The following LRRFIP1 variants were observed in gnomAD, a reference collection of about 807,000 sequenced individuals.
LRRFIP1 encodes LRR binding FLII interacting protein 1, also known as leucine-rich repeat flightless-interacting protein 1.
LRRFIP1 carries 62 observed loss-of-function variants against 104.4 expected under a neutral mutation model. That is an observed-to-expected ratio of 0.59 (90% CI 0.48 to 0.73). LRRFIP1 has a LOEUF of 0.73. LRRFIP1 is among the 30% of genes least tolerant of loss of function. The pLI is 0.00. For missense variants in LRRFIP1, 796 were observed against 824.5 expected (o/e 0.97, Z 0.42); for synonymous variants, 300 against 299.0 (o/e 1.00, Z -0.03).
At position 237,717,860 on chromosome 2, in the gene LRRFIP1, C is replaced by A. The variant is rs886187790; in HGVS notation, c.249+51C>A. On this transcript the variant is annotated intron_variant, in intron 4 of 23. Coordinates refer to ENST00000308482, the MANE Select transcript of LRRFIP1 (RefSeq NM_001137550.2). This position sits in a 1 kb window ranked among gnomAD's most constrained non-coding sequence, Gnocchi z 4.2. Reference sequence around the variant, plus strand: ...TTACTCTTCCCTCCCCACTTGAATACAGTGTTGAGACTTAAATGGTTTATA... The same window carrying A: ...TTACTCTTCCCTCCCCACTTGAATAAAGTGTTGAGACTTAAATGGTTTATA... The A allele has an allele frequency of 3.0e-6, 4 of 1,314,880 alleles. No homozygotes were observed. Among genetic ancestry groups the A allele is most frequent in the Non-Finnish European group, 3.3e-6 (3 of 906,978 alleles). The allele number at this position is 1,314,880 out of a possible 1,614,324, so 81.5% of individuals were successfully genotyped here.
chr2:237,656,264 G>A (rs1422496056), intron 1 of LRRFIP1, among the ~76,000 whole-genome samples: 1 of 152,136 alleles, frequency 6.6e-6, no homozygotes, highest in African/African-American at 2.4e-5. Flanking sequence ...TTGTAATCTT[G>A]TCTTTATGCA....
chr2:237,637,031 G>A lies in LRRFIP1; in HGVS notation c.96+9291G>A, dbSNP rs189330696. On this transcript the variant is annotated intron_variant, in intron 1 of 23. Coordinates refer to ENST00000308482, the MANE Select transcript of LRRFIP1 (RefSeq NM_001137550.2). The stretch of plus-strand genomic sequence containing the variant: ...TCTGAGACATACACCAGGGAAGAAC[G>A]GCTAACCTCTAGTGTCTACACAGCT... Among the ~76,000 whole-genome samples the A allele has an allele frequency of 5.3e-4, 81 of 152,248 alleles. 1 individual carries two copies. The highest frequency in any genetic ancestry group is 1.6e-3 in the African/African-American group (68 of 41,516).
chr2:237,639,190 G>A (rs2083537745), intron 1 of LRRFIP1, among the ~76,000 whole-genome samples: 1 of 152,146 alleles, frequency 6.6e-6, no homozygotes, highest in African/African-American at 2.4e-5. Flanking sequence ...GACTGGTTGG[G>A]ATGTGCCCCA....
chr2:237,745,796 C>A (rs1416365492), intron 11 of LRRFIP1, among the ~76,000 whole-genome samples: 1 of 152,286 alleles, frequency 6.6e-6, no homozygotes, highest in Non-Finnish European at 1.5e-5. Flanking sequence ...AGAAAACATA[C>A]GTTTTACACC....
chr2:237,671,206 G>C (rs1367493349), intron 1 of LRRFIP1, among the ~76,000 whole-genome samples: 1 of 152,130 alleles, frequency 6.6e-6, no homozygotes, highest in East Asian at 1.9e-4. Context: ...TGTGTCCCTC[G>C]TGTGATAACC....
At chr2:237,638,424 A>C (rs990434113) in intron 1 of LRRFIP1, among the ~76,000 whole-genome samples, 3 of 152,180 alleles carry the variant, frequency 2.0e-5, no homozygotes, top group Non-Finnish European at 4.4e-5. Flanking sequence ...TCGCTCACTC[A>C]CCCGCCTGCC....
At chr2:237,773,047 G>A in intron 22 of LRRFIP1, 102 bp downstream of exon 22, 1 of 896,286 alleles carries the variant, frequency 1.1e-6, no homozygotes, top group Non-Finnish European at 1.8e-6. Flanking sequence ...GAGATTTTTA[G>A]AACCAAGAAA....
chr2:237,631,330 T>G (rs2082308447), intron 1 of LRRFIP1, among the ~76,000 whole-genome samples: 1 of 152,222 alleles, frequency 6.6e-6, no homozygotes, highest in Admixed American at 6.5e-5. Flanking sequence ...CTTTGCACTC[T>G]TCTGGGTAGA....
intron 1 of LRRFIP1, among the ~76,000 whole-genome samples, chr2:237,702,703 C>G (rs2093604156): frequency 6.6e-6 from 1 of 152,172 alleles, no homozygotes; most frequent in Admixed American, 6.6e-5. Flanking sequence ...GAAACAGCAG[C>G]CAGACCGAGC....
chr2:237,779,788 G>T lies in LRRFIP1; in HGVS notation c.*256G>T, dbSNP rs2061382965. 3.1e-6 allele frequency: 1 copy of T among 318,092 alleles called. No individual in the cohort carries two copies. The allele number at this position is 318,092 out of a possible 1,614,324, so 19.7% of individuals were successfully genotyped here. A position where few individuals can be genotyped will look rare whatever the true frequency, so the allele number is the denominator to read the frequency against. On this transcript the variant is annotated 3_prime_UTR_variant, in exon 24 of 24. Transcript: ENST00000308482. ...CCTGCAGGTACTTCATAAGCACACA[G>T]GGGCCTCGAGGGAGCTCTGTGTCTG...
intron 1 of LRRFIP1, among the ~76,000 whole-genome samples, chr2:237,693,075 G>C (rs896773987): frequency 6.6e-6 from 1 of 152,226 alleles, no homozygotes; most frequent in Non-Finnish European, 1.5e-5. Flanking sequence ...GGATTTTGCC[G>C]TTGTCCAGCT....
At chr2:237,702,147 G>A (rs566940306) in intron 1 of LRRFIP1, among the ~76,000 whole-genome samples, 105 of 152,264 alleles carry the variant, frequency 6.9e-4, no homozygotes, top group African/African-American at 2.2e-3. Flanking sequence ...GTGCTTCCTC[G>A]TGTATTTTTA....
At chr2:237,777,352 C>T (rs930634737) in intron 23 of LRRFIP1, among the ~76,000 whole-genome samples, 1 of 152,078 alleles carries the variant, frequency 6.6e-6, no homozygotes, top group African/African-American at 2.4e-5. Flanking sequence ...AATCATTTTC[C>T]TCCTCACTGA....
Position 237,649,905 on chromosome 2 carries a change from A to C in LRRFIP1, c.96+22165A>C, listed in dbSNP as rs1037649081. ...TAATATACTGCAGCCTTCGAAAGAG[A>C]TGTAGTCCTCATCTGAAAGGTCATC... On this transcript the variant is annotated intron_variant, in intron 1 of 23. Coordinates refer to ENST00000308482, the MANE Select transcript of LRRFIP1 (RefSeq NM_001137550.2). This position sits in a 1 kb window ranked among gnomAD's most constrained non-coding sequence, Gnocchi z 4.1. Among the ~76,000 whole-genome samples the C allele has an allele frequency of 5.9e-5, 9 of 151,916 alleles. No individual in the cohort carries two copies. The East Asian group carries it at 1.7e-3, about 29-fold the overall frequency.
At chr2:237,651,582 GTC>G (rs2085943625) in intron 1 of LRRFIP1, among the ~76,000 whole-genome samples, 1 of 152,016 alleles carries the variant, frequency 6.6e-6, no homozygotes, top group African/African-American at 2.4e-5. Flanking sequence ...GCACCCTACA[GTC>G]TGGCTGCTTG....
intron 1 of LRRFIP1, among the ~76,000 whole-genome samples, chr2:237,675,409 C>T (rs919363631): frequency 3.9e-5 from 6 of 152,302 alleles, no homozygotes; most frequent in South Asian, 2.1e-4. Context: ...CAGTTTCCTT[C>T]GTAACCCTAT....
At chr2:237,629,467 C>CTTTTTTT (rs745503726) in intron 1 of LRRFIP1, among the ~76,000 whole-genome samples, 3 of 117,366 alleles carry the variant, frequency 2.6e-5, no homozygotes, top group Admixed American at 9.3e-5. Flanking sequence ...TTTCTTTCTT[C>CTTTTTTT]TTTTTTTTTT....
chr2:237,727,873 CA>C lies in LRRFIP1; in HGVS notation c.385-2del. 1 of 1,609,742 alleles carries C rather than the reference CA, an allele frequency of 6.2e-7. No homozygotes were observed. On this transcript the variant is annotated splice_acceptor_variant, in intron 7 of 23. Coordinates refer to ENST00000308482, the MANE Select transcript of LRRFIP1 (RefSeq NM_001137550.2). LOFTEE classifies it high-confidence loss of function. ...AGTTTTTCTCTTTTCTTCATTGAAA[CA>C]GACAAATGGTTATGATGGAGAATTG...
intron 1 of LRRFIP1, among the ~76,000 whole-genome samples, chr2:237,697,576 A>G (rs2093274548): frequency 6.6e-6 from 1 of 152,220 alleles, no homozygotes; most frequent in Non-Finnish European, 1.5e-5. Context: ...GTTCCAGGGA[A>G]TATCCACTGA....
Sources: allele counts gnomAD v4.1 joint callset (sites outside exome capture counted in the v4.1 genomes callset), GRCh38; gene constraint gnomAD v4.1.1; non-coding constraint Gnocchi (gnomAD v3.1); transcripts MANE v1.5; gene names NCBI Gene and HGNC (gene_info 2026-07-23, HGNC 2026-07-21).